Variants in GRID2 observed in about 807,000 individuals in gnomAD.
The protein encoded by GRID2 is glutamate ionotropic receptor delta type subunit 2.
A neutral mutation model predicts 114.8 loss-of-function variants in GRID2; 33 were observed. The observed-to-expected ratio is 0.29, with a 90% CI of 0.22 to 0.38. The LOEUF (loss-of-function observed/expected upper bound fraction) is 0.38. Among genes scored for constraint, GRID2 ranks in the 10% least tolerant of loss-of-function variants. The pLI, the probability that GRID2 is intolerant of heterozygous loss-of-function variation, is 1.00. For missense variants in GRID2, 1,184 were observed against 1,257.7 expected (o/e 0.94, Z 0.89); for synonymous variants, 505 against 449.9 (o/e 1.12, Z -1.55).
At chr4:93,315,993 A>G (rs1274644297) in intron 8 of GRID2, among the ~76,000 whole-genome samples, 1 of 152,104 alleles carries the variant, frequency 6.6e-6, no homozygotes, top group East Asian at 1.9e-4. Flanking sequence ...TAATCAAACT[A>G]AGAATGTAGT....
chr4:92,562,588 C>A (rs950770116), intron 1 of GRID2, among the ~76,000 whole-genome samples: 1 of 152,086 alleles, frequency 6.6e-6, no homozygotes. Context: ...TGTAGAGCCC[C>A]CACACACAGA....
chr4:92,486,421 C>T lies in GRID2; in HGVS notation c.89-103710C>T, dbSNP rs372255346. ...TGTCATATATGTAAATATAATAAAACTTGAAAGTTTAACATAACTTTTCCA... is the reference window on the plus strand; with the variant it reads ...TGTCATATATGTAAATATAATAAAATTTGAAAGTTTAACATAACTTTTCCA... On this transcript the variant is annotated intron_variant, in intron 1 of 15. Coordinates refer to ENST00000282020, the MANE Select transcript of GRID2 (RefSeq NM_001510.4). Among the ~76,000 whole-genome samples, 24 of 151,770 alleles carry T rather than the reference C, an allele frequency of 1.6e-4. No homozygotes were observed. The East Asian group carries it at 4.6e-3, about 29-fold the overall frequency.
chr4:93,399,179 G>C (rs185120739), intron 9 of GRID2, among the ~76,000 whole-genome samples: 11 of 152,116 alleles, frequency 7.2e-5, no homozygotes, highest in African/African-American at 2.4e-4. Flanking sequence ...AGAGAAAAGG[G>C]AAAGGACCAA....
chr4:92,519,611 A>ATATG (rs1489619312), intron 1 of GRID2, among the ~76,000 whole-genome samples: 1 of 150,628 alleles, frequency 6.6e-6, no homozygotes, highest in Non-Finnish European at 1.5e-5. Context: ...TTATATATAT[A>ATATG]TATGTATGTA....
At chr4:92,922,478 A>G (rs568231774) in intron 2 of GRID2, among the ~76,000 whole-genome samples, 199 of 152,182 alleles carry the variant, frequency 1.3e-3, no homozygotes, top group African/African-American at 4.7e-3. Flanking sequence ...CTATTCAGCC[A>G]TCTCTCCACC....
intron 1 of GRID2, among the ~76,000 whole-genome samples, chr4:92,451,920 A>G (rs1720945154): frequency 6.6e-6 from 1 of 152,220 alleles, no homozygotes; most frequent in Admixed American, 6.5e-5. Flanking sequence ...AAGCACTAAA[A>G]CAAATCCAGG....
At chr4:93,493,604 T>C (rs1313580099) in intron 12 of GRID2, among the ~76,000 whole-genome samples, 1 of 151,614 alleles carries the variant, frequency 6.6e-6, no homozygotes, top group Non-Finnish European at 1.5e-5. Context: ...ATGGTATTTC[T>C]CTGAGGTTGC....
At chr4:92,466,348 A>G (rs1260501909) in intron 1 of GRID2, among the ~76,000 whole-genome samples, 1 of 151,738 alleles carries the variant, frequency 6.6e-6, no homozygotes, top group Non-Finnish European at 1.5e-5. Context: ...AGTTAAAACT[A>G]TTTTTCTTTT....
chr4:92,512,421 AT>A (rs1214107939), intron 1 of GRID2, among the ~76,000 whole-genome samples: 2 of 151,844 alleles, frequency 1.3e-5, no homozygotes, highest in African/African-American at 4.8e-5. Context: ...GACAAAAGAA[AT>A]TCTAAAACAT....
chr4:93,528,136 G>A (rs926388120), intron 13 of GRID2, among the ~76,000 whole-genome samples: 4 of 151,230 alleles, frequency 2.6e-5, no homozygotes, highest in Non-Finnish European at 4.4e-5. Flanking sequence ...TATATATCCT[G>A]CATTTTATAT....
chr4:93,132,120 G>T (rs1734860027), intron 4 of GRID2, among the ~76,000 whole-genome samples: 1 of 152,090 alleles, frequency 6.6e-6, no homozygotes, highest in South Asian at 2.1e-4. Context: ...AAGAACATTA[G>T]AAATTAACAT....
At chr4:92,847,783 A>C (rs1743446413) in intron 2 of GRID2, among the ~76,000 whole-genome samples, 1 of 152,058 alleles carries the variant, frequency 6.6e-6, no homozygotes, top group South Asian at 2.1e-4. Flanking sequence ...ATGACACAGG[A>C]CAGTTAAGTG....
At chr4:92,406,013 A>G (rs1731012071) in intron 1 of GRID2, among the ~76,000 whole-genome samples, 1 of 152,148 alleles carries the variant, frequency 6.6e-6, no homozygotes, top group Non-Finnish European at 1.5e-5. Flanking sequence ...GGCAGGAAGT[A>G]TCCAGCATGG....
chr4:92,484,821 C>A (rs1722787342), intron 1 of GRID2, among the ~76,000 whole-genome samples: 1 of 151,892 alleles, frequency 6.6e-6, no homozygotes. Flanking sequence ...AATCTCATAT[C>A]TACCACTTTT....
intron 2 of GRID2, among the ~76,000 whole-genome samples, chr4:92,777,518 C>G (rs1738867901): frequency 6.6e-6 from 1 of 151,962 alleles, no homozygotes; most frequent in South Asian, 2.1e-4. Context: ...TTAGCCTCAC[C>G]TCTTGATGCA....
At chr4:92,788,167 G>A (rs551356316) in intron 2 of GRID2, among the ~76,000 whole-genome samples, 13 of 151,754 alleles carry the variant, frequency 8.6e-5, no homozygotes, top group African/African-American at 3.1e-4. Context: ...TTTCTCTGGG[G>A]TATTCTAGCA....
chr4:92,830,829 C>T (rs1742051757), intron 2 of GRID2, among the ~76,000 whole-genome samples: 1 of 152,150 alleles, frequency 6.6e-6, no homozygotes, highest in Admixed American at 6.6e-5. Context: ...GAAAACAAAG[C>T]TATTCCATTT....
intron 8 of GRID2, among the ~76,000 whole-genome samples, chr4:93,253,267 CA>C (rs1202833591): frequency 6.6e-6 from 1 of 151,582 alleles, no homozygotes; most frequent in Non-Finnish European, 1.5e-5. Flanking sequence ...AAAAACAAAA[CA>C]AAACAAAAAA....
chr4:92,441,794 A>G (rs181490930), intron 1 of GRID2, among the ~76,000 whole-genome samples: 1 of 152,026 alleles, frequency 6.6e-6, no homozygotes, highest in South Asian at 2.1e-4. Context: ...GAGTAGAGGT[A>G]TCTTATACTT....
Sources: gnomAD v4.1 joint callset for allele counts (sites outside exome capture counted in the v4.1 genomes callset) on GRCh38, gnomAD v4.1.1 for gene constraint, MANE v1.5 for transcripts, NCBI Gene and HGNC (gene_info 2026-07-23, HGNC 2026-07-21) for gene names.